Variants in APBB2 observed in about 807,000 individuals in gnomAD.
APBB2 encodes the protein amyloid beta precursor protein binding family B member 2, also known as Fe65-like 1.
A neutral mutation model predicts 82.5 loss-of-function variants in APBB2; 38 were observed. The ratio of observed to expected loss-of-function variants is 0.46; its 90% CI spans 0.36 to 0.60. APBB2 has a LOEUF of 0.60. Among genes scored for constraint, APBB2 ranks in the 20% least tolerant of loss-of-function variants. The probability of loss-of-function intolerance (pLI) is 0.00; values close to 1 mark genes in which losing one functional copy is unlikely to be tolerated. For missense variants in APBB2, 772 were observed against 972.3 expected, an observed-to-expected ratio of 0.79 and a Z score of 2.74; for synonymous variants, 341 against 368.2, an observed-to-expected ratio of 0.93 and a Z score of 0.85.
At chr4:41,103,258 G>C (rs1560758947) in intron 2 of APBB2, among the ~76,000 whole-genome samples, 1 of 152,152 alleles carries the variant, frequency 6.6e-6, no homozygotes, top group Non-Finnish European at 1.5e-5. Context: ...AGGTATTACA[G>C]GACCATTTTG....
chr4:41,046,856 C>T (rs1466616455), intron 4 of APBB2, among the ~76,000 whole-genome samples: 4 of 152,340 alleles, frequency 2.6e-5, no homozygotes, highest in East Asian at 1.9e-4. Context: ...AGGGGTAACA[C>T]GGCCTTTCTG....
chr4:41,118,494 C>T (rs992342084), intron 2 of APBB2, among the ~76,000 whole-genome samples: 4 of 152,100 alleles, frequency 2.6e-5, no homozygotes, highest in African/African-American at 9.7e-5. Flanking sequence ...TACCCGAATG[C>T]TGTTAATTAT....
intron 2 of APBB2, among the ~76,000 whole-genome samples, chr4:41,106,720 C>T (rs896379885): frequency 6.6e-6 from 1 of 152,154 alleles, no homozygotes; most frequent in African/African-American, 2.4e-5. Flanking sequence ...TCGTGATCCG[C>T]CCACCTCGGC....
rs542686272 is a variant in APBB2 at position 40,884,991 on chromosome 4, AT to A, written c.1529+5372del. Among the ~76,000 whole-genome samples, 410 of 152,384 alleles carry A rather than the reference AT, an allele frequency of 2.7e-3. 2 individuals carry two copies. The highest frequency in any genetic ancestry group is 9.4e-3 in the African/African-American group (393 of 41,598). ...AGAAAGATTTTATTAAAAGTTGTTC[AT>A]CAAAACCAGAAAAGAAAGGTATTAA... is the stretch of plus-strand genomic sequence containing the variant. On this transcript the variant is annotated intron_variant, in intron 12 of 17. Coordinates refer to ENST00000508593, the MANE Select transcript of APBB2 (RefSeq NM_004307.2).
intron 5 of APBB2, among the ~76,000 whole-genome samples, chr4:41,026,453 T>C (rs1397601309): frequency 6.6e-6 from 1 of 152,218 alleles, no homozygotes; most frequent in Non-Finnish European, 1.5e-5. Context: ...AGAACATTTT[T>C]ATCACCAAAA....
At chr4:40,917,608 A>C (rs553445372) in intron 10 of APBB2, among the ~76,000 whole-genome samples, 8 of 152,322 alleles carry the variant, frequency 5.3e-5, no homozygotes, top group Non-Finnish European at 1.0e-4. Context: ...AAAATAATTA[A>C]AGCAACATGA....
At chr4:41,020,052 G>A (rs1811065053) in intron 5 of APBB2, among the ~76,000 whole-genome samples, 1 of 152,294 alleles carries the variant, frequency 6.6e-6, no homozygotes, top group South Asian at 2.1e-4. Context: ...AGGAGTCAGA[G>A]AGAAAGAGAC....
chr4:40,946,255 C>A (rs7377846), intron 6 of APBB2, among the ~76,000 whole-genome samples: 128 of 101,566 alleles, frequency 1.3e-3, no homozygotes, highest in Middle Eastern at 0.011. Context: ...AAAAAAAAAA[C>A]ATTCCCAAGG....
At chr4:41,183,029 A>G (rs1771866657) in intron 1 of APBB2, among the ~76,000 whole-genome samples, 1 of 152,202 alleles carries the variant, frequency 6.6e-6, no homozygotes, top group African/African-American at 2.4e-5. Context: ...GCTTCTTCCA[A>G]GACCTTGCCC....
intron 10 of APBB2, among the ~76,000 whole-genome samples, chr4:40,908,112 A>T (rs533474594): frequency 9.4e-4 from 142 of 151,702 alleles, no homozygotes; most frequent in African/African-American, 3.3e-3. Flanking sequence ...TGGTATCCTT[A>T]TAAGAGGAGG....
At chr4:41,049,780 T>G (rs1725265404) in intron 4 of APBB2, among the ~76,000 whole-genome samples, 1 of 152,256 alleles carries the variant, frequency 6.6e-6, no homozygotes, top group Non-Finnish European at 1.5e-5. Context: ...CATTTTGTTC[T>G]GTACTAAGAA....
At position 41,000,683 on chromosome 4, in the gene APBB2, T is replaced by C. The variant is rs759250470; in HGVS notation, c.835+12900A>G. 1.1e-4 allele frequency among the ~76,000 whole-genome samples: 17 copies of C among 152,208 alleles called. 1 individual carries two copies. Among genetic ancestry groups the C allele is most frequent in the Admixed American group, 2.6e-4 (4 of 15,276 alleles). ...GTTCCTAGCATATAAGAGACATTCA[T>C]GGACTGCAAGGAACTCTGTGAGTGG... On this transcript the variant is annotated intron_variant, in intron 6 of 17. Transcript: ENST00000508593.
intron 10 of APBB2, among the ~76,000 whole-genome samples, chr4:40,898,261 T>G (rs910700187): frequency 6.6e-6 from 1 of 152,180 alleles, no homozygotes; most frequent in Non-Finnish European, 1.5e-5. Flanking sequence ...TATTATTATT[T>G]TTTGTTTGTT....
intron 6 of APBB2, among the ~76,000 whole-genome samples, chr4:40,975,137 A>C (rs1330310692): frequency 6.6e-6 from 1 of 152,034 alleles, no homozygotes; most frequent in Non-Finnish European, 1.5e-5. Context: ...TGGTTCTATC[A>C]GCTTATTTTT....
At chr4:40,941,091 T>C (rs1327614410) in intron 7 of APBB2, among the ~76,000 whole-genome samples, 3 of 152,162 alleles carry the variant, frequency 2.0e-5, no homozygotes, top group African/African-American at 7.2e-5. Flanking sequence ...CCTTCAGTTC[T>C]AAACTTTTGT....
intron 12 of APBB2, among the ~76,000 whole-genome samples, chr4:40,840,893 G>A (rs1207544856): frequency 6.6e-6 from 1 of 152,142 alleles, no homozygotes; most frequent in Non-Finnish European, 1.5e-5. Context: ...GCGAACACCT[G>A]AAAATGTCCT....
chr4:40,905,119 C>T (rs1776361853), intron 10 of APBB2, among the ~76,000 whole-genome samples: 1 of 152,204 alleles, frequency 6.6e-6, no homozygotes, highest in South Asian at 2.1e-4. Context: ...ATGATCATGG[C>T]TAACCCCCAT....
Position 40,810,943 on chromosome 4 carries a change from G to GA in APBB2, c.*5148dup, listed in dbSNP as rs1268512294. ...TTCGGGCCCTCCACCATACCAGACT[G>GA]AAAAGTATTCCATTGTCCAGAAGTA... On this transcript the variant is annotated 3_prime_UTR_variant, in exon 18 of 18. Transcript: ENST00000508593. The GA allele has an allele frequency of 1.3e-5, 2 of 152,112 alleles. No individual in the cohort carries two copies. The highest frequency in any genetic ancestry group is 4.8e-5 in the African/African-American group (2 of 41,428). 9.4% of individuals were successfully genotyped at this position (152,112 alleles called of 1,614,324 possible).
intron 12 of APBB2, among the ~76,000 whole-genome samples, chr4:40,888,593 T>C (rs1484431530): frequency 6.7e-6 from 1 of 149,516 alleles, no homozygotes; most frequent in African/African-American, 2.5e-5. Context: ...CTCCACACTT[T>C]GGCTCCTGCC....
Sources: gnomAD v4.1 joint callset for allele counts (sites outside exome capture counted in the v4.1 genomes callset) on GRCh38, gnomAD v4.1.1 for gene constraint, MANE v1.5 for transcripts, NCBI Gene and HGNC (gene_info 2026-07-23, HGNC 2026-07-21) for gene names.